Variants in CSNK1G3 observed in about 807,000 individuals in gnomAD.
CSNK1G3 encodes the protein casein kinase I isoform gamma-3.
A neutral mutation model predicts 64.3 loss-of-function variants in CSNK1G3; 23 were observed. The ratio of observed to expected loss-of-function variants is 0.36; its 90% CI spans 0.26 to 0.51. The LOEUF is 0.51. Ranked by LOEUF, CSNK1G3 falls within the 20% of genes least tolerant of loss-of-function variation. CSNK1G3 has a pLI of 0.96. For missense variants in CSNK1G3, 357 were observed against 510.5 expected (o/e 0.70, Z 2.90); for synonymous variants, 158 against 162.2 (o/e 0.97, Z 0.20).
At chr5:123,553,032 T>C in intron 2 of CSNK1G3, 75 bp from the exon 3 acceptor site, 4 of 805,118 alleles carry the variant, frequency 5.0e-6, no homozygotes, top group Non-Finnish European at 7.7e-6. Flanking sequence ...TGTGCTTTTT[T>C]TCAGAGTACA....
intron 1 of CSNK1G3, among the ~76,000 whole-genome samples, chr5:123,519,852 G>C (rs547441070): frequency 1.0e-3 from 157 of 152,288 alleles, no homozygotes; most frequent in African/African-American, 3.7e-3. Context: ...TACTAGTGGA[G>C]TGCTCTTTCT....
At chr5:123,555,176 A>T (rs1784407421) in intron 3 of CSNK1G3, among the ~76,000 whole-genome samples, 1 of 152,106 alleles carries the variant, frequency 6.6e-6, no homozygotes, top group Admixed American at 6.6e-5. Flanking sequence ...TGTAATAATT[A>T]TGGTTATACA....
chr5:123,536,749 G>A (rs1780899511), intron 1 of CSNK1G3, among the ~76,000 whole-genome samples: 2 of 151,902 alleles, frequency 1.3e-5, no homozygotes, highest in Admixed American at 1.3e-4. Context: ...GGCATTAGAA[G>A]AAGAAATAAT....
chr5:123,598,547 TG>T (rs1354870510), intron 10 of CSNK1G3, among the ~76,000 whole-genome samples: 1 of 152,066 alleles, frequency 6.6e-6, no homozygotes, highest in Non-Finnish European at 1.5e-5. Flanking sequence ...GTTAATCAAC[TG>T]AAGATAGAAG....
intron 8 of CSNK1G3, among the ~76,000 whole-genome samples, chr5:123,588,740 C>A (rs922281243): frequency 6.6e-6 from 1 of 151,996 alleles, no homozygotes; most frequent in South Asian, 2.1e-4. Context: ...TTGATCATTA[C>A]CAGCTGAAGT....
chr5:123,541,812 G>A (rs1427223564), intron 1 of CSNK1G3, among the ~76,000 whole-genome samples: 1 of 151,254 alleles, frequency 6.6e-6, no homozygotes, highest in African/African-American at 2.4e-5. Context: ...TTTCTTTTTG[G>A]GGGAAAATCT....
At chr5:123,561,075 G>A (rs889723068) in intron 4 of CSNK1G3, among the ~76,000 whole-genome samples, 1 of 152,146 alleles carries the variant, frequency 6.6e-6, no homozygotes, top group Non-Finnish European at 1.5e-5. Flanking sequence ...GCCCGTTTGG[G>A]TTTTGATCCT....
chr5:123,558,777 A>G (rs1480503122), intron 4 of CSNK1G3, among the ~76,000 whole-genome samples: 1 of 152,224 alleles, frequency 6.6e-6, no homozygotes, highest in African/African-American at 2.4e-5. Flanking sequence ...AAAACGAATT[A>G]TATGTGAAAC....
chr5:123,530,124 C>T (rs1463381819), intron 1 of CSNK1G3, among the ~76,000 whole-genome samples: 3 of 151,986 alleles, frequency 2.0e-5, no homozygotes, highest in African/African-American at 7.2e-5. Context: ...ATTTCCTCCC[C>T]TTCCAACTAT....
At chr5:123,550,696 A>G (rs947164353) in intron 2 of CSNK1G3, among the ~76,000 whole-genome samples, 3 of 152,224 alleles carry the variant, frequency 2.0e-5, no homozygotes, top group African/African-American at 7.2e-5. Context: ...GGATTAAAAC[A>G]TCACTTAACC....
chr5:123,527,429 T>C (rs1223184073), intron 1 of CSNK1G3, among the ~76,000 whole-genome samples: 2 of 152,180 alleles, frequency 1.3e-5, no homozygotes, highest in African/African-American at 4.8e-5. Context: ...GTAGTAGTAC[T>C]TTCAGCTTGT....
intron 1 of CSNK1G3, 111 bp downstream of exon 1, chr5:123,512,681 G>A (rs1386980101): frequency 2.0e-5 from 3 of 149,784 alleles, no homozygotes; most frequent in Non-Finnish European, 3.0e-5. Flanking sequence ...GGGCGGGTGG[G>A]GTGGGGTGCG....
chr5:123,539,475 C>A (rs376526676), intron 1 of CSNK1G3, among the ~76,000 whole-genome samples: 1 of 142,280 alleles, frequency 7.0e-6, no homozygotes, highest in East Asian at 2.1e-4. Flanking sequence ...TGTGGGTTTT[C>A]TTTTTTCTGT....
chr5:123,612,990 C>T (rs917967166), intron 12 of CSNK1G3, among the ~76,000 whole-genome samples: 11 of 152,092 alleles, frequency 7.2e-5, no homozygotes, highest in African/African-American at 2.2e-4. Flanking sequence ...TGCTTGCCTG[C>T]GCCAAAAGTA....
intron 4 of CSNK1G3, among the ~76,000 whole-genome samples, chr5:123,569,707 T>G (rs1174129104): frequency 3.9e-5 from 6 of 152,236 alleles, no homozygotes; most frequent in African/African-American, 1.4e-4. Context: ...TGTCAGTTTT[T>G]CTTGAAGTAA....
chr5:123,540,736 G>A (rs747413353), intron 1 of CSNK1G3, among the ~76,000 whole-genome samples: 4 of 152,028 alleles, frequency 2.6e-5, no homozygotes, highest in Non-Finnish European at 5.9e-5. Context: ...AGGTTCAATC[G>A]ATTTTGCTGC....
intron 4 of CSNK1G3, among the ~76,000 whole-genome samples, chr5:123,570,557 T>C (rs1290466031): frequency 6.6e-6 from 1 of 152,114 alleles, no homozygotes; most frequent in Non-Finnish European, 1.5e-5. Flanking sequence ...GGTTTCACCA[T>C]GTGGGCCAGG....
intron 10 of CSNK1G3, among the ~76,000 whole-genome samples, chr5:123,599,063 A>T (rs1012825256): frequency 1.3e-5 from 2 of 152,206 alleles, no homozygotes; most frequent in African/African-American, 4.8e-5. Flanking sequence ...CACTGACAAC[A>T]GATAGTAGTA....
intron 4 of CSNK1G3, among the ~76,000 whole-genome samples, chr5:123,572,504 A>T (rs1262631107): frequency 6.6e-6 from 1 of 152,208 alleles, no homozygotes; most frequent in Non-Finnish European, 1.5e-5. Context: ...GAATACGGGC[A>T]TGGCTTTGCT....
Sources: gnomAD v4.1 joint callset for allele counts (sites outside exome capture counted in the v4.1 genomes callset) on GRCh38, gnomAD v4.1.1 for gene constraint, MANE v1.5 for transcripts, NCBI Gene and HGNC (gene_info 2026-07-23, HGNC 2026-07-21) for gene names.